SLC28A3: variants seen among roughly 807,000 people sequenced by gnomAD.
The protein encoded by SLC28A3 is concentrative Na(+)-nucleoside cotransporter 3.
In SLC28A3, 68 loss-of-function variants were observed where a neutral mutation model predicts 84.2. That is an observed-to-expected ratio of 0.81 (90% CI 0.66 to 0.99). SLC28A3 has a LOEUF of 0.99. SLC28A3 is among the 50% of genes least tolerant of loss of function. The pLI is 0.00. For missense variants in SLC28A3, 712 were observed against 841.5 expected (o/e 0.85, Z 1.90); for synonymous variants, 267 against 303.6 (o/e 0.88, Z 1.25).
At chr9:84,368,370 G>A in the SLC28A3 span, among the ~76,000 whole-genome samples, 1 of 152,106 alleles carries the variant, frequency 6.6e-6, no homozygotes, top group Admixed American at 6.5e-5. Context: ...TGATCAAAAT[G>A]GAGTTTCTTA....
chr9:84,294,126 G>T (rs1825330447), intron 9 of SLC28A3, 69 bp downstream of exon 9: 2 of 1,422,788 alleles, frequency 1.4e-6, no homozygotes, highest in East Asian at 4.6e-5. Context: ...TGCATAAAAG[G>T]CCTTGAGGAC....
At position 84,290,178 on chromosome 9, in the gene SLC28A3, C is replaced by A; in HGVS notation, c.1125G>T (p.Val375=). The A allele has an allele frequency of 1.2e-6, 2 of 1,614,148 alleles. No homozygotes were observed. Among genetic ancestry groups the A allele is most frequent in the Non-Finnish European group, 1.7e-6 (2 of 1,179,994 alleles). The change falls in exon 11 of 18, where the codon GTG becomes GTT. Residue 375 remains valine (V), a synonymous_variant. Transcript: ENST00000376238. ...TAGFSTIAGS[V]LGAYISFGVP... is the part of the protein sequence containing the mutation. ...CCCCAAAAGAAATGTATGCACCTAGCACGCTTCCAGCAATGGTAGAGAACC... is the reference window on the plus strand; with the variant it reads ...CCCCAAAAGAAATGTATGCACCTAGAACGCTTCCAGCAATGGTAGAGAACC...
In SLC28A3 at chr9:84,311,394, A is replaced by T. The variant is rs769954111; in HGVS notation, c.157-1680T>A. On this transcript the variant is annotated intron_variant, in intron 2 of 17. Transcript: ENST00000376238. ...CTTCCCCACTATCAAATGAACCCAG[A>T]GAAGTACATTTGTTACAACTGAGGA... 5.9e-5 allele frequency among the ~76,000 whole-genome samples: 9 copies of T among 151,814 alleles called. No individual in the cohort carries two copies. In the East Asian group the frequency reaches 1.7e-3, roughly 29 times the overall value.
At chr9:84,366,028 C>A in the SLC28A3 span, among the ~76,000 whole-genome samples, 3 of 152,018 alleles carry the variant, frequency 2.0e-5, no homozygotes, top group African/African-American at 7.2e-5. Context: ...CCAGCCTGGG[C>A]AACACGAGTG....
chr9:84,346,186 T>C, the SLC28A3 span, among the ~76,000 whole-genome samples: 4 of 152,234 alleles, frequency 2.6e-5, no homozygotes, highest in Non-Finnish European at 5.9e-5. Flanking sequence ...CTATACCCCG[T>C]TCTGTTCTCT....
Position 84,323,680 on chromosome 9 carries a change from C to T in SLC28A3, c.61-10226G>A, listed in dbSNP as rs117701555. ...CCTCGTGATCCGACCCCCTCAGCCT[C>T]CCAAAGTGCTGGGATTACAGGCATG... On this transcript the variant is annotated intron_variant, in intron 1 of 17. Coordinates refer to ENST00000376238, the MANE Select transcript of SLC28A3 (RefSeq NM_001199633.2). 5.6e-3 allele frequency among the ~76,000 whole-genome samples: 854 copies of T among 152,164 alleles called. 18 individuals carry two copies. The East Asian group carries it at 0.077, about 14-fold the overall frequency.
chr9:84,303,596 A>G (rs1358772228), intron 4 of SLC28A3, among the ~76,000 whole-genome samples: 1 of 152,200 alleles, frequency 6.6e-6, no homozygotes, highest in Non-Finnish European at 1.5e-5. Context: ...CTGGGATTAT[A>G]GGCATTAGCC....
At chr9:84,310,715 C>G in intron 2 of SLC28A3, 2 of 550,986 alleles carry the variant, frequency 3.6e-6, no homozygotes, top group Non-Finnish European at 4.6e-6. Context: ...ATTTTCTGGG[C>G]TGGACCCTAG....
At chr9:84,353,907 C>A in the SLC28A3 span, among the ~76,000 whole-genome samples, 1 of 152,220 alleles carries the variant, frequency 6.6e-6, no homozygotes, top group Non-Finnish European at 1.5e-5. Flanking sequence ...CAAAACCAAT[C>A]ATTCCAGGTA....
Position 84,288,064 on chromosome 9 carries a change from T to C in SLC28A3, c.1264A>G (p.Met422Val). The change falls in exon 12 of 18, where the codon ATG (methionine) becomes GTG (valine). Residue 422 changes from methionine to valine, a missense_variant. By Grantham distance (21) the Met-to-Val change is conservative. Coordinates refer to ENST00000376238, the MANE Select transcript of SLC28A3 (RefSeq NM_001199633.2). Reference protein sequence around the residue: ...EKPKITLKNAMKMESGDSGNL... With the variant: ...EKPKITLKNAVKMESGDSGNL... ...CACACTTACCCACTTTCCATTTTCA[T>C]GGCATTCTTGAGGGTTATTTTAGGT... The C allele has an allele frequency of 6.2e-7, 1 of 1,614,034 alleles. No homozygotes were observed. Among genetic ancestry groups the C allele is most frequent in the South Asian group, 1.1e-5 (1 of 91,076 alleles).
chr9:84,350,257 T>C, the SLC28A3 span, among the ~76,000 whole-genome samples: 19 of 152,246 alleles, frequency 1.2e-4, 1 homozygote, highest in South Asian at 2.5e-3. Context: ...GCCTGACTAA[T>C]GTGGTGAAAC....
At chr9:84,327,568 T>A (rs1826612498) in intron 1 of SLC28A3, among the ~76,000 whole-genome samples, 1 of 152,122 alleles carries the variant, frequency 6.6e-6, no homozygotes, top group Admixed American at 6.5e-5. Context: ...AGATTGGAGT[T>A]ACCCCAAAGT....
At chr9:84,353,343 C>T in the SLC28A3 span, among the ~76,000 whole-genome samples, 5 of 152,162 alleles carry the variant, frequency 3.3e-5, no homozygotes, top group African/African-American at 1.2e-4. Context: ...CATGGTAAAA[C>T]ATCTGTAAGT....
intron 8 of SLC28A3, among the ~76,000 whole-genome samples, 190 bp from the exon 9 acceptor site, chr9:84,294,465 CT>C (rs918172793): frequency 6.6e-6 from 1 of 152,180 alleles, no homozygotes; most frequent in African/African-American, 2.4e-5. Flanking sequence ...AGGACTTTGA[CT>C]TTTTTCCCCT....
At chr9:84,345,354 T>A (rs1827232190), upstream of SLC28A3, among the ~76,000 whole-genome samples, 1 of 152,192 alleles carries the variant, frequency 6.6e-6, no homozygotes, top group East Asian at 1.9e-4. Context: ...TGGTGCAACC[T>A]GATATTAAAA....
intron 2 of SLC28A3, chr9:84,310,325 T>C (rs1226459771): frequency 1.1e-6 from 1 of 893,302 alleles, no homozygotes; most frequent in Non-Finnish European, 1.3e-6. Context: ...CCATCCCATT[T>C]TTTCATGGAC....
At chr9:84,283,619 T>C (rs963588523) in intron 14 of SLC28A3, among the ~76,000 whole-genome samples, 1 of 152,218 alleles carries the variant, frequency 6.6e-6, no homozygotes, top group African/African-American at 2.4e-5. Context: ...ATGTGTTACA[T>C]GTAAACAAAT....
the SLC28A3 span, among the ~76,000 whole-genome samples, chr9:84,349,365 TA>T: frequency 8.5e-5 from 13 of 152,210 alleles, no homozygotes; most frequent in Non-Finnish European, 1.5e-4. Context: ...GCCTCCTGAG[TA>T]GCTGGGATTA....
At chr9:84,344,798 C>T (rs1309828054), upstream of SLC28A3, among the ~76,000 whole-genome samples, 1 of 152,094 alleles carries the variant, frequency 6.6e-6, no homozygotes, top group African/African-American at 2.4e-5. Context: ...GAAGCCCAAC[C>T]CCCTCCTCCC....
Sources: gnomAD v4.1 joint callset for allele counts (sites outside exome capture counted in the v4.1 genomes callset) on GRCh38, gnomAD v4.1.1 for gene constraint, MANE v1.5 for transcripts, NCBI Gene and HGNC (gene_info 2026-07-23, HGNC 2026-07-21) for gene names.